ROBO2: variants seen among roughly 807,000 people sequenced by gnomAD.
The protein encoded by ROBO2 is roundabout homolog 2.
ROBO2 carries 53 observed loss-of-function variants against 160.8 expected under a neutral mutation model. The observed-to-expected ratio is 0.33, with a 90% confidence interval of 0.26 to 0.41. The LOEUF (loss-of-function observed/expected upper bound fraction) is 0.41, where lower values mean the gene tolerates loss of function less well. Among genes scored for constraint, ROBO2 ranks in the 10% least tolerant of loss-of-function variants. The pLI, the probability that ROBO2 is intolerant of heterozygous loss-of-function variation, is 1.00. For missense variants in ROBO2, 1,577 were observed against 1,722.4 expected, an observed-to-expected ratio of 0.92 and a Z score of 1.49; for synonymous variants, 664 against 611.7, an observed-to-expected ratio of 1.09 and a Z score of -1.26.
At chr3:76,371,456 T>C (rs1176977186) in intron 2 of ROBO2, among the ~76,000 whole-genome samples, 1 of 151,554 alleles carries the variant, frequency 6.6e-6, no homozygotes, top group Non-Finnish European at 1.5e-5. Flanking sequence ...ATGTTTACTA[T>C]AGTATTTGCA....
At chr3:77,379,040 C>T (rs1445557417) in intron 2 of ROBO2, among the ~76,000 whole-genome samples, 1 of 151,944 alleles carries the variant, frequency 6.6e-6, no homozygotes, top group Admixed American at 6.6e-5. Flanking sequence ...CTCTGCCTCC[C>T]AGGTTCAAGC....
At chr3:76,284,685 C>A (rs1008664806) in intron 2 of ROBO2, among the ~76,000 whole-genome samples, 1 of 152,086 alleles carries the variant, frequency 6.6e-6, no homozygotes. Context: ...AACTCTTGAT[C>A]ATTTTAAATT....
chr3:75,992,013 G>A (rs1342861864), intron 2 of ROBO2, among the ~76,000 whole-genome samples: 3 of 152,182 alleles, frequency 2.0e-5, no homozygotes, highest in Non-Finnish European at 2.9e-5. Flanking sequence ...CATTCAAGAA[G>A]TGACATGTGC....
chr3:75,920,003 A>G (rs1370079676), intron 1 of ROBO2, among the ~76,000 whole-genome samples: 1 of 151,928 alleles, frequency 6.6e-6, no homozygotes, highest in Non-Finnish European at 1.5e-5. Flanking sequence ...AGATTCATTG[A>G]TTTTTTGAAG....
intron 2 of ROBO2, among the ~76,000 whole-genome samples, chr3:76,749,371 T>G (rs2108195974): frequency 6.6e-6 from 1 of 152,150 alleles, no homozygotes; most frequent in Non-Finnish European, 1.5e-5. Context: ...ATTCTTAAAC[T>G]GTAGTTTGCA....
intron 2 of ROBO2, among the ~76,000 whole-genome samples, chr3:76,154,175 G>A (rs531975211): frequency 1.3e-4 from 20 of 152,204 alleles, no homozygotes; most frequent in Middle Eastern, 3.4e-3. Context: ...CTTTGGTAAC[G>A]TTGTTTAAAA....
At chr3:76,170,865 C>T (rs73844510) in intron 2 of ROBO2, among the ~76,000 whole-genome samples, 2,788 of 152,138 alleles carry the variant, frequency 0.018, 97 homozygotes, top group African/African-American at 0.063. Flanking sequence ...AATACCCTGG[C>T]GAACAATTAG....
chr3:76,390,234 G>A (rs1281668076), intron 2 of ROBO2, among the ~76,000 whole-genome samples: 1 of 151,968 alleles, frequency 6.6e-6, no homozygotes, highest in Non-Finnish European at 1.5e-5. Context: ...ATCAAATACA[G>A]AAACACTATC....
At chr3:77,449,347 T>C (rs1168421657) in intron 2 of ROBO2, among the ~76,000 whole-genome samples, 1 of 152,150 alleles carries the variant, frequency 6.6e-6, no homozygotes. Flanking sequence ...AATTTTTAAA[T>C]ATGCGTATGG....
In ROBO2 at chr3:77,059,517, T is replaced by C. The variant is rs1034758242; in HGVS notation, c.61+18671T>C. Among the ~76,000 whole-genome samples the C allele has an allele frequency of 2.6e-5, 4 of 152,146 alleles. No individual in the cohort carries two copies. In the East Asian group the frequency reaches 7.7e-4, roughly 29 times the overall value. On this transcript the variant is annotated intron_variant, in intron 1 of 25. Transcript: ENST00000461745. Reference sequence around the variant, plus strand: ...CATAAGCAAGACAAAGAAAACAATTTTGGTTACAGTGGAAAGACCCTATTT... The same window carrying C: ...CATAAGCAAGACAAAGAAAACAATTCTGGTTACAGTGGAAAGACCCTATTT...
intron 2 of ROBO2, among the ~76,000 whole-genome samples, chr3:76,626,970 G>A (rs572587039): frequency 1.3e-3 from 195 of 152,248 alleles, no homozygotes; most frequent in Non-Finnish European, 2.4e-3. Context: ...GATTACAGGC[G>A]TGAGCCACCA....
intron 2 of ROBO2, among the ~76,000 whole-genome samples, chr3:76,069,488 C>A (rs948768753): frequency 3.0e-4 from 45 of 150,512 alleles, no homozygotes; most frequent in African/African-American, 1.1e-3. Context: ...CTATTTGCAT[C>A]TAGAGCTGAT....
intron 2 of ROBO2, among the ~76,000 whole-genome samples, chr3:76,046,495 A>C (rs982711499): frequency 6.6e-6 from 1 of 151,410 alleles, no homozygotes; most frequent in Admixed American, 6.6e-5. Context: ...TAAAAATACA[A>C]AAAATTAGCC....
chr3:77,582,727 TA>T (rs1335574099), intron 16 of ROBO2, among the ~76,000 whole-genome samples: 3 of 152,146 alleles, frequency 2.0e-5, no homozygotes, highest in Non-Finnish European at 4.4e-5. Flanking sequence ...TTCTATGTAA[TA>T]AACAGCAATA....
chr3:77,509,081 C>G (rs566334774), intron 5 of ROBO2, among the ~76,000 whole-genome samples: 1 of 152,024 alleles, frequency 6.6e-6, no homozygotes, highest in Non-Finnish European at 1.5e-5. Flanking sequence ...TACATATTAT[C>G]TTCAACAAAG....
intron 2 of ROBO2, among the ~76,000 whole-genome samples, chr3:76,355,713 T>C (rs968682842): frequency 1.3e-5 from 2 of 151,882 alleles, no homozygotes; most frequent in African/African-American, 4.8e-5. Context: ...TACATCCATA[T>C]AAAGAAAGTA....
chr3:77,426,608 C>CTGTGTGTGTGTGTG (rs9309768), intron 2 of ROBO2, among the ~76,000 whole-genome samples: 1 of 140,550 alleles, frequency 7.1e-6, no homozygotes, highest in Non-Finnish European at 1.5e-5. Context: ...ATGTGTGTGT[C>CTGTGTGTGTGTGTG]TGTGTGTGTG....
At chr3:76,217,431 A>C (rs1703623145) in intron 2 of ROBO2, among the ~76,000 whole-genome samples, 1 of 152,236 alleles carries the variant, frequency 6.6e-6, no homozygotes, top group African/African-American at 2.4e-5. Flanking sequence ...CTAATAAAGA[A>C]GAAAAGAGAG....
intron 2 of ROBO2, among the ~76,000 whole-genome samples, chr3:77,354,036 A>T (rs2068715403): frequency 6.6e-6 from 1 of 152,138 alleles, no homozygotes; most frequent in South Asian, 2.1e-4. Flanking sequence ...CTTGGGCCAC[A>T]TTGAGGATCT....
Sources: gnomAD v4.1 joint callset for allele counts (sites outside exome capture counted in the v4.1 genomes callset) on GRCh38, gnomAD v4.1.1 for gene constraint, MANE v1.5 for transcripts, NCBI Gene and HGNC (gene_info 2026-07-23, HGNC 2026-07-21) for gene names.